VWF: variants seen among roughly 807,000 people sequenced by gnomAD.
VWF encodes the protein Factor VIII related antigen.
A neutral mutation model predicts 308.6 loss-of-function variants in VWF; 176 were observed. That is an observed-to-expected ratio of 0.57 (90% CI 0.50 to 0.65). The LOEUF (loss-of-function observed/expected upper bound fraction) is 0.65. VWF is among the 30% of genes least tolerant of loss of function. The pLI, the probability that VWF is intolerant of heterozygous loss-of-function variation, is 0.00. For synonymous variants in VWF, 1,385 were observed against 1,443.4 expected (o/e 0.96, Z 0.92); for missense variants, 3,146 against 3,648.2 (o/e 0.86, Z 3.55).
chr12:6,027,300 A>T (rs1490887713), intron 22 of VWF, among the ~76,000 whole-genome samples: 1 of 152,174 alleles, frequency 6.6e-6, no homozygotes, highest in Non-Finnish European at 1.5e-5. Flanking sequence ...CCGTCTGCCT[A>T]AACTCTCTCC....
chr12:6,005,715 A>T (rs1164821973), intron 34 of VWF, among the ~76,000 whole-genome samples: 1 of 152,214 alleles, frequency 6.6e-6, no homozygotes. Flanking sequence ...GAGATGGATG[A>T]TCTATTCAAA....
At chr12:5,962,922 A>G (rs1054792493) in intron 47 of VWF, among the ~76,000 whole-genome samples, 3 of 152,184 alleles carry the variant, frequency 2.0e-5, no homozygotes, top group African/African-American at 7.2e-5. Flanking sequence ...ATGGTGCTGG[A>G]CCCACTGGAT....
intron 16 of VWF, among the ~76,000 whole-genome samples, chr12:6,051,760 C>T (rs2136448612): frequency 6.6e-6 from 1 of 152,236 alleles, no homozygotes; most frequent in South Asian, 2.1e-4. Flanking sequence ...CAGGTATGCA[C>T]CACCATGGCC....
In VWF at chr12:6,063,110, C is replaced by T. The variant is rs1944673613; in HGVS notation, c.1433-56G>A. The T allele has an allele frequency of 1.4e-6, 2 of 1,443,784 alleles. No individual in the cohort carries two copies. Among genetic ancestry groups the T allele is most frequent in the Non-Finnish European group, 1.9e-6 (2 of 1,034,400 alleles). The allele number at this position is 1,443,784 out of a possible 1,614,324, so 89.4% of individuals were successfully genotyped here. A position where few individuals can be genotyped will look rare whatever the true frequency, so the allele number is the denominator to read the frequency against. On this transcript the variant is annotated intron_variant, in intron 12 of 51. Coordinates refer to ENST00000261405, the MANE Select transcript of VWF (RefSeq NM_000552.5). This position sits in a 1 kb window ranked among gnomAD's most constrained non-coding sequence, Gnocchi z 4.9. ...AGGTGGGGAGAGGACAGGGTGGTGG[C>T]AGGCAGATGTATTTGGGAGGAAATG...
At chr12:6,032,378 G>A (rs1361501386) in intron 20 of VWF, among the ~76,000 whole-genome samples, 1 of 150,458 alleles carries the variant, frequency 6.6e-6, no homozygotes, top group Non-Finnish European at 1.5e-5. Flanking sequence ...GGTGGCCCAC[G>A]CCTGTAATCC....
At chr12:6,005,243 G>A (rs980759775) in intron 34 of VWF, among the ~76,000 whole-genome samples, 1 of 152,056 alleles carries the variant, frequency 6.6e-6, no homozygotes, top group African/African-American at 2.4e-5. Context: ...AAGACAATGT[G>A]GTTTTGGTAT....
chr12:5,990,381 G>A (rs1433961486), intron 38 of VWF, among the ~76,000 whole-genome samples: 1 of 152,088 alleles, frequency 6.6e-6, no homozygotes, highest in Non-Finnish European at 1.5e-5. Flanking sequence ...ATAGAGCTTT[G>A]GGGAGAATCA....
chr12:6,047,911 A>C (rs1478921839), intron 16 of VWF, among the ~76,000 whole-genome samples: 2 of 152,204 alleles, frequency 1.3e-5, no homozygotes, highest in Non-Finnish European at 2.9e-5. Context: ...TGTCCTAATG[A>C]ATGTGTATAA....
At chr12:6,094,647 C>T (rs1945084886) in intron 6 of VWF, among the ~76,000 whole-genome samples, 1 of 152,160 alleles carries the variant, frequency 6.6e-6, no homozygotes, top group African/African-American at 2.4e-5. Flanking sequence ...GTCCTGAGGG[C>T]TCTGCCTTCG....
intron 6 of VWF, among the ~76,000 whole-genome samples, chr12:6,080,362 G>T (rs75362481): frequency 0.015 from 2,223 of 152,322 alleles, 56 homozygotes; most frequent in African/African-American, 0.051. Flanking sequence ...CCTGAACCGG[G>T]TGTTTCCATG....
At chr12:6,123,596 G>A (rs1043449149) in intron 1 of VWF, among the ~76,000 whole-genome samples, 2 of 152,178 alleles carry the variant, frequency 1.3e-5, no homozygotes, top group Non-Finnish European at 2.9e-5. Flanking sequence ...TCTTACACTT[G>A]TGTGCCCACC....
In VWF at chr12:6,031,516, G is replaced by A. The variant is rs1944262633; in HGVS notation, c.2748C>T (p.His916=). 6.2e-7 allele frequency: 1 copy of A among 1,614,144 alleles called. No individual in the cohort carries two copies. Among genetic ancestry groups the A allele is most frequent in the South Asian group, 1.1e-5 (1 of 91,078 alleles). ...CCCGTTTCTTGCATTTCACTGAGGG[G>A]TGGCTGCATCCCTTATTCCCCACTA... ...RILVGNKGCS[H]PSVKCKKRVT... is the part of the protein sequence containing the mutation. The change falls in exon 21 of 52, where the codon CAC becomes CAT. Residue 916 remains histidine, a synonymous_variant. Transcript: ENST00000261405.
rs1196731479 is a variant in VWF at position 6,092,608 on chromosome 12, AGT to A, written c.657+2850_657+2851del. Reference sequence around the variant, plus strand: ...TGCCACCATGCCCAGCTAGTTAGTGAGTGAGTGAGAGTGTGTGTGTGTGTGTG... The same window carrying A: ...TGCCACCATGCCCAGCTAGTTAGTGAGAGTGAGAGTGTGTGTGTGTGTGTG... On this transcript the variant is annotated intron_variant, in intron 6 of 51. Coordinates refer to ENST00000261405, the MANE Select transcript of VWF (RefSeq NM_000552.5). Among the ~76,000 whole-genome samples the A allele has an allele frequency of 3.1e-3, 191 of 62,102 alleles. 2 individuals are homozygous for A. The highest frequency in any genetic ancestry group is 0.016 in the African/African-American group (180 of 11,510). 40.7% of individuals were successfully genotyped at this position (62,102 alleles called of 152,430 possible). A position where few individuals can be genotyped will look rare whatever the true frequency, so the allele number is the denominator to read the frequency against.
rs6489694 is a variant in VWF, at chr12:6,121,122, A to G, written c.220+52T>C. On this transcript the variant is annotated intron_variant, in intron 3 of 51. Transcript: ENST00000261405. ...AGGAATCCTCCCCCACACCAGGGCT[A>G]AGCTCAGCCAGCCCTCCCTCTGAAG... is the stretch of plus-strand genomic sequence containing the variant. 0.99 allele frequency: 1,593,538 copies of G among 1,612,600 alleles called. 787,394 individuals carry two copies. The highest frequency in any genetic ancestry group is 1 in the East Asian group (44,853 of 44,856).
In VWF at chr12:6,016,476, G is replaced by C. The variant is rs1944058233; in HGVS notation, c.5311+40C>G. On this transcript the variant is annotated intron_variant, in intron 30 of 51. Transcript: ENST00000261405. ...TCACTTATGCCAAAAATAAGAACCA[G>C]AATGCAGCTTCTGCATCCAGCCTGT... 3.7e-6 allele frequency: 6 copies of C among 1,604,766 alleles called. No individual in the cohort carries two copies. The East Asian group carries it at 1.3e-4, about 36-fold the overall frequency.
chr12:6,073,592 C>G (rs1181736410), intron 8 of VWF, 27 bp downstream of exon 8: 1 of 1,613,812 alleles, frequency 6.2e-7, no homozygotes, highest in East Asian at 2.2e-5. Context: ...GGTCTCTGAT[C>G]TGTAAATAAA....
At chr12:6,031,317 C>T (rs2136426513) in intron 21 of VWF, 127 bp downstream of exon 21, 1 of 1,530,172 alleles carries the variant, frequency 6.5e-7, no homozygotes, top group South Asian at 1.1e-5. Flanking sequence ...ATAGCTCTGC[C>T]TCATCCTCTT....
At chr12:6,065,351 G>A in intron 10 of VWF, 78 bp from the exon 11 acceptor site, 1 of 1,578,368 alleles carries the variant, frequency 6.3e-7, no homozygotes, top group South Asian at 1.1e-5. Flanking sequence ...GAATGCATAT[G>A]CAAGCAGGGT....
intron 32 of VWF, among the ~76,000 whole-genome samples, chr12:6,012,360 G>A (rs975682267): frequency 2.6e-5 from 4 of 152,250 alleles, no homozygotes; most frequent in African/African-American, 7.2e-5. Flanking sequence ...CAACAACAGC[G>A]ATAATATGGC....
Sources: gnomAD v4.1 joint callset for allele counts (sites outside exome capture counted in the v4.1 genomes callset) on GRCh38, gnomAD v4.1.1 for gene constraint, Gnocchi (gnomAD v3.1) non-coding constraint, MANE v1.5 for transcripts, NCBI Gene and HGNC (gene_info 2026-07-23, HGNC 2026-07-21) for gene names.